Variants in STK3 observed in about 807,000 individuals in gnomAD.
STK3 encodes the protein serine/threonine-protein kinase 3.
Under a neutral mutation model 58.0 loss-of-function variants are expected in STK3, and 41 were observed. The ratio of observed to expected loss-of-function variants is 0.71; its 90% CI spans 0.55 to 0.92. The LOEUF (loss-of-function observed/expected upper bound fraction) is 0.92, where lower values mean the gene tolerates loss of function less well. Ranked by LOEUF, STK3 falls within the 40% of genes least tolerant of loss-of-function variation. The pLI, the probability that STK3 is intolerant of heterozygous loss-of-function variation, is 0.00. For missense variants in STK3, 479 were observed against 602.7 expected (o/e 0.79, Z 2.15); for synonymous variants, 170 against 191.0 (o/e 0.89, Z 0.91).
chr8:98,615,021 CAAA>C (rs930023528), intron 6 of STK3, among the ~76,000 whole-genome samples: 4 of 152,096 alleles, frequency 2.6e-5, no homozygotes, highest in African/African-American at 9.7e-5. Context: ...CACAGACAAA[CAAA>C]AAGACAGCAG....
At chr8:98,910,517 G>A (rs1021369103) in intron 1 of STK3, among the ~76,000 whole-genome samples, 3 of 152,164 alleles carry the variant, frequency 2.0e-5, no homozygotes, top group South Asian at 2.1e-4. Context: ...CTTCTATAGT[G>A]TGATCAACTT....
intron 10 of STK3, among the ~76,000 whole-genome samples, chr8:98,466,004 T>G (rs1223471856): frequency 1.3e-5 from 2 of 152,210 alleles, no homozygotes; most frequent in African/African-American, 4.8e-5. Context: ...CAACAAAATT[T>G]AAGTAACTCA....
chr8:98,913,081 C>T (rs1032898577), intron 1 of STK3, among the ~76,000 whole-genome samples: 10 of 150,470 alleles, frequency 6.6e-5, no homozygotes, highest in Admixed American at 2.0e-4. Flanking sequence ...CCCATTTTGG[C>T]TATTTTTGAA....
At chr8:98,568,504 G>C (rs556739489) in intron 8 of STK3, among the ~76,000 whole-genome samples, 1 of 152,254 alleles carries the variant, frequency 6.6e-6, no homozygotes, top group African/African-American at 2.4e-5. Context: ...TGGTCAACTA[G>C]TTCCACTCTT....
At chr8:98,727,163 A>C (rs1299234205) in intron 4 of STK3, among the ~76,000 whole-genome samples, 1 of 152,146 alleles carries the variant, frequency 6.6e-6, no homozygotes, top group Admixed American at 6.6e-5. Flanking sequence ...GTCTAAGTCA[A>C]TTACTAAATC....
intron 10 of STK3, among the ~76,000 whole-genome samples, chr8:98,477,706 G>A (rs1821452714): frequency 1.3e-5 from 1 of 76,842 alleles, no homozygotes; most frequent in African/African-American, 4.8e-5. Flanking sequence ...ACTTGGCGGG[G>A]GGGGGGGGGG....
chr8:98,598,186 T>C (rs185060659), intron 6 of STK3: 2 of 985,404 alleles, frequency 2.0e-6, no homozygotes, highest in East Asian at 2.3e-4. Context: ...AACACAATGA[T>C]TTATGTCCTT....
At chr8:98,720,827 C>T (rs948430979) in intron 4 of STK3, among the ~76,000 whole-genome samples, 1 of 151,362 alleles carries the variant, frequency 6.6e-6, no homozygotes, top group Admixed American at 6.6e-5. Flanking sequence ...ATCTGACAGT[C>T]ATTAAAGCAA....
rs558600991 is a variant in STK3, at chr8:98,683,557, G to A, written c.684+22910C>T. Among the ~76,000 whole-genome samples, 109 of 152,120 alleles carry A rather than the reference G, an allele frequency of 7.2e-4. 1 individual carries two copies. Among genetic ancestry groups the A allele is most frequent in the African/African-American group, 2.6e-3 (108 of 41,550 alleles). On this transcript the variant is annotated intron_variant, in intron 6 of 10. Transcript: ENST00000419617. ...TTGAATTTAAAACTTAGATTTAGTA[G>A]GGAAATACGACAACTATATCAAAAT...
chr8:98,581,042 C>A (rs1813838344), intron 7 of STK3, among the ~76,000 whole-genome samples: 1 of 152,348 alleles, frequency 6.6e-6, no homozygotes, highest in South Asian at 2.1e-4. Flanking sequence ...GACTCCTGGT[C>A]ATACACCAAA....
chr8:98,878,005 G>A (rs1192629845), intron 3 of STK3, among the ~76,000 whole-genome samples: 1 of 151,638 alleles, frequency 6.6e-6, no homozygotes, highest in Non-Finnish European at 1.5e-5. Flanking sequence ...ACTGGTGTTA[G>A]CAAATCATAA....
intron 3 of STK3, among the ~76,000 whole-genome samples, chr8:98,851,694 C>T (rs1836474898): frequency 6.6e-6 from 1 of 152,178 alleles, no homozygotes; most frequent in Admixed American, 6.5e-5. Flanking sequence ...GGCATGGTGG[C>T]TTATGCCTAT....
intron 3 of STK3, among the ~76,000 whole-genome samples, chr8:98,869,205 G>A (rs1307590177): frequency 6.6e-6 from 1 of 152,108 alleles, no homozygotes; most frequent in Non-Finnish European, 1.5e-5. Flanking sequence ...TGGATCACTC[G>A]AGCCCAGGAG....
downstream of STK3, chr8:98,883,746 A>G (rs1485063176): frequency 7.1e-6 from 5 of 702,876 alleles, no homozygotes; most frequent in Non-Finnish European, 1.3e-5. Context: ...ACTGTCCATG[A>G]GTTGTAACAT....
At chr8:98,753,292 C>CA (rs1304302889) in intron 3 of STK3, among the ~76,000 whole-genome samples, 4 of 152,074 alleles carry the variant, frequency 2.6e-5, no homozygotes, top group Admixed American at 6.6e-5. Flanking sequence ...TATGCAGCCA[C>CA]AAAAAAGAAC....
At chr8:98,372,459 G>T (rs566727429) in intron 2 of STK3, among the ~76,000 whole-genome samples, 17 of 152,134 alleles carry the variant, frequency 1.1e-4, no homozygotes, top group Non-Finnish European at 1.9e-4. Flanking sequence ...GCAGACTTCA[G>T]CTCCAAACCC....
At chr8:98,913,905 C>G (rs893525520) in intron 1 of STK3, among the ~76,000 whole-genome samples, 1 of 152,134 alleles carries the variant, frequency 6.6e-6, no homozygotes, top group Non-Finnish European at 1.5e-5. Flanking sequence ...ATTTTCTCAT[C>G]GCAAAAACAC....
At chr8:98,820,646 T>C (rs1441722674) in intron 1 of STK3, among the ~76,000 whole-genome samples, 4 of 152,188 alleles carry the variant, frequency 2.6e-5, no homozygotes, top group Non-Finnish European at 5.9e-5. Flanking sequence ...GACTATTATG[T>C]GGTCATTTTT....
chr8:98,648,388 T>C lies in STK3; in HGVS notation c.685-52219A>G, dbSNP rs190678514. ...CTTGTTTCCAGTTTTTTACCACTAA[T>C]AAAAATACTGCAAAAAGATCCTTGC... On this transcript the variant is annotated intron_variant, in intron 6 of 10. Transcript: ENST00000419617. Among the ~76,000 whole-genome samples, 630 of 152,332 alleles carry C rather than the reference T, an allele frequency of 4.1e-3. 4 individuals are homozygous for C. Among genetic ancestry groups the C allele is most frequent in the Non-Finnish European group, 5.6e-3 (379 of 68,022 alleles).
Sources: gnomAD v4.1 joint callset for allele counts (sites outside exome capture counted in the v4.1 genomes callset) on GRCh38, gnomAD v4.1.1 for gene constraint, MANE v1.5 for transcripts, NCBI Gene and HGNC (gene_info 2026-07-23, HGNC 2026-07-21) for gene names.